AKAP9: variants seen among roughly 807,000 people sequenced by gnomAD.
AKAP9 encodes the protein A-kinase anchoring protein 9, also known as A-kinase anchor protein 9.
In AKAP9, 311 loss-of-function variants were observed where a neutral mutation model predicts 488.5. That is an observed-to-expected ratio of 0.64 (90% CI 0.58 to 0.70). AKAP9 has a LOEUF of 0.70. AKAP9 is among the 30% of genes least tolerant of loss of function. The probability of loss-of-function intolerance (pLI) is 0.00; values close to 1 mark genes in which losing one functional copy is unlikely to be tolerated. For synonymous variants in AKAP9, 1,462 were observed against 1,483.5 expected (o/e 0.99, Z 0.33); for missense variants, 4,215 against 4,374.5 (o/e 0.96, Z 1.03).
At chr7:91,994,841 C>A in intron 6 of AKAP9, 65 bp downstream of exon 6, 1 of 1,474,130 alleles carries the variant, frequency 6.8e-7, no homozygotes, top group South Asian at 1.2e-5. Flanking sequence ...AATTCACTTT[C>A]AAGAACAAAT....
intron 8 of AKAP9, 91 bp from the exon 9 acceptor site, chr7:92,012,338 C>T (rs1800860536): frequency 8.6e-7 from 1 of 1,167,728 alleles, no homozygotes; most frequent in East Asian, 2.6e-5. Context: ...AATTTTTAAA[C>T]TCTTGTAGTC....
intron 1 of AKAP9, among the ~76,000 whole-genome samples, chr7:91,953,270 AGTT>A (rs1792504759): frequency 6.6e-6 from 1 of 152,226 alleles, no homozygotes; most frequent in Admixed American, 6.5e-5. Flanking sequence ...TCAAGGTTTC[AGTT>A]GTTGACCTAG....
intron 1 of AKAP9, chr7:91,970,644 T>A (rs1368749002): frequency 5.4e-6 from 2 of 373,232 alleles, no homozygotes; most frequent in Non-Finnish European, 1.0e-5. Flanking sequence ...TTTGAACATG[T>A]TGTCCCACAT....
rs199577930 is a variant in AKAP9 at position 92,110,131 on chromosome 7, C to T, written c.11696C>T (p.Thr3899Ile). ...TGTTTTTCTCTCATAGGTTCAACTA[C>T]TCAATTTCATGCTGGCATGAGAAGA... ...RLGTIQSGST[T>I]QFHAGMRR The change falls in exon 50 of 50, where the codon ACT (threonine) becomes ATT (isoleucine). Residue 3899 changes from threonine to isoleucine, a missense_variant. By Grantham distance (89) the Thr-to-Ile change is moderately conservative. Around this residue, in one of 5 missense-constraint regions of AKAP9, gnomAD observed 253 missense variants for 266.8 expected, o/e 0.95. Transcript: ENST00000356239. The T allele has an allele frequency of 9.0e-5, 144 of 1,601,722 alleles. 2 individuals are homozygous for T. In the East Asian group the frequency reaches 3.0e-3, roughly 34 times the overall value.
chr7:92,083,530 G>T lies in AKAP9; in HGVS notation c.8521G>T (p.Asp2841Tyr). The T allele has an allele frequency of 1.2e-6, 2 of 1,604,382 alleles. No individual in the cohort carries two copies. The highest frequency in any genetic ancestry group is 2.2e-5 in the South Asian group (2 of 89,246). The change falls in exon 33 of 50, where the codon GAC becomes TAC. Residue 2841 changes from aspartate to tyrosine, a missense_variant. Coordinates refer to ENST00000356239, the MANE Select transcript of AKAP9 (RefSeq NM_005751.5). ...MQELHAAEIL[D>Y]MESRHISETE... ...AGAACTACATGCTGCTGAAATTTTG[G>T]ACATGGAATCCAGACATATTTCAGA...
At chr7:92,081,498 T>TATATA (rs1491338738) in intron 31 of AKAP9, among the ~76,000 whole-genome samples, 12 of 87,676 alleles carry the variant, frequency 1.4e-4, no homozygotes, top group African/African-American at 5.6e-4. Context: ...TATATATATA[T>TATATA]TTTTTTTTTT....
At position 92,085,683 on chromosome 7, in the gene AKAP9, C is replaced by A; in HGVS notation, c.9021C>A (p.Ala3007=). ...LITKMQLQRE[A]EVYDSSQSHE... The stretch of plus-strand genomic sequence containing the variant: ...CAAAGATGCAACTGCAAAGAGAAGC[C>A]GAGGTAACCAAAGAATACTATGCAT... Residue 3007 remains alanine (A), a synonymous_variant, in exon 36 of 50, where the codon GCC becomes GCA. Coordinates refer to ENST00000356239, the MANE Select transcript of AKAP9 (RefSeq NM_005751.5). The A allele has an allele frequency of 6.2e-7, 1 of 1,609,200 alleles. No individual in the cohort carries two copies. The highest frequency in any genetic ancestry group is 2.2e-5 in the East Asian group (1 of 44,818).
Position 92,045,111 on chromosome 7 carries a change from A to AT in AKAP9, c.5268dup (p.Leu1757SerfsTer3). 1 of 1,613,808 alleles carries AT rather than the reference A, an allele frequency of 6.2e-7. No individual in the cohort carries two copies. Among genetic ancestry groups the AT allele is most frequent in the Non-Finnish European group, 8.5e-7 (1 of 1,179,898 alleles). On this transcript the variant is annotated frameshift_variant, in exon 21 of 50. Coordinates refer to ENST00000356239, the MANE Select transcript of AKAP9 (RefSeq NM_005751.5). LOFTEE classifies it high-confidence loss of function. ...AACAATTGGTCGCCATGTCCTTGGG[A>AT]TTCTAGATAGATCTAGTAAAAGCCA...
intron 1 of AKAP9, among the ~76,000 whole-genome samples, chr7:91,962,925 T>C (rs1793898764): frequency 6.6e-6 from 1 of 152,210 alleles, no homozygotes; most frequent in African/African-American, 2.4e-5. Context: ...TATACCCTAA[T>C]TACAGTTGGA....
At chr7:92,100,710 T>C in intron 44 of AKAP9, 146 bp from the exon 45 acceptor site, 1 of 838,128 alleles carries the variant, frequency 1.2e-6, no homozygotes, top group South Asian at 1.4e-5. Context: ...TTAGTGTATA[T>C]GCGTAATGTC....
In AKAP9 at chr7:91,995,701, T is replaced by G; in HGVS notation, c.831T>G (p.Leu277=). The part of the protein sequence containing the change: ...KQQILTHQQQ[L]EEQDHLLEDY... ...AGATCCTCACTCATCAACAGCAGCT[T>G]GAAGAACAAGACCACTTATTAGAAG... The change falls in exon 7 of 50, where the codon CTT becomes CTG. Residue 277 remains leucine (L), a synonymous_variant. Transcript: ENST00000356239. 1 of 1,613,990 alleles carries G rather than the reference T, an allele frequency of 6.2e-7. No homozygotes were observed. The highest frequency in any genetic ancestry group is 2.2e-5 in the East Asian group (1 of 44,882).
intron 1 of AKAP9, among the ~76,000 whole-genome samples, chr7:91,963,231 A>C (rs1793952319): frequency 6.6e-6 from 1 of 152,144 alleles, no homozygotes; most frequent in Non-Finnish European, 1.5e-5. Context: ...CTTAATGTAC[A>C]AGTAGAGGCA....
In AKAP9 at chr7:92,002,009, G is replaced by C; in HGVS notation, c.2092G>C (p.Glu698Gln). 1 of 1,611,326 alleles carries C rather than the reference G, an allele frequency of 6.2e-7. No individual in the cohort carries two copies. Among genetic ancestry groups the C allele is most frequent in the Non-Finnish European group, 8.5e-7 (1 of 1,179,232 alleles). Residue 698 changes from glutamate to glutamine, a missense_variant, in exon 8 of 50, where the codon GAA becomes CAA. By Grantham distance (29) the Glu-to-Gln change is conservative. Around this residue, in one of 5 missense-constraint regions of AKAP9, gnomAD observed 2,361 missense variants for 2,430.0 expected, o/e 0.97. Coordinates refer to ENST00000356239, the MANE Select transcript of AKAP9 (RefSeq NM_005751.5). ...AACTAAGCAGAATCAATTAATTTTG[G>C]AAATTTCAAAGCTAAAAGATTTACA... is the stretch of plus-strand genomic sequence containing the variant. ...LITKQNQLIL[E>Q]ISKLKDLQQS...
intron 9 of AKAP9, 23 bp downstream of exon 9, chr7:92,012,665 A>G: frequency 1.3e-6 from 2 of 1,566,752 alleles, no homozygotes; most frequent in South Asian, 1.1e-5. Context: ...CTGACTTATA[A>G]GTACCATGAT....
At position 92,066,498 on chromosome 7, in the gene AKAP9, T is replaced by G. The variant is rs2130832903; in HGVS notation, c.6282T>G (p.Leu2094=). 6.2e-7 allele frequency: 1 copy of G among 1,613,490 alleles called. No individual in the cohort carries two copies. The highest frequency in any genetic ancestry group is 1.1e-5 in the South Asian group (1 of 91,064). ...AAATACAGAAACTAGAACAGCAACT[T>G]AAGGTTGTTCCTCGATTCCAGCCTA... ...QQEIQKLEQQ[L]KVVPRFQPIS... The change falls in exon 26 of 50, where the codon CTT becomes CTG. Residue 2094 remains leucine, a synonymous_variant. Transcript: ENST00000356239.
intron 1 of AKAP9, among the ~76,000 whole-genome samples, chr7:91,951,080 AAAAG>A (rs1447206761): frequency 2.0e-5 from 3 of 152,036 alleles, no homozygotes; most frequent in Non-Finnish European, 2.9e-5. Context: ...AAGTTTGAGA[AAAAG>A]AAAAGATAAT....
At chr7:91,943,675 A>G (rs1233063482) in intron 1 of AKAP9, among the ~76,000 whole-genome samples, 2 of 152,252 alleles carry the variant, frequency 1.3e-5, no homozygotes, top group Non-Finnish European at 2.9e-5. Context: ...ATGCACCATA[A>G]TATAATGCCT....
intron 1 of AKAP9, among the ~76,000 whole-genome samples, chr7:91,947,678 A>G (rs1486997839): frequency 6.6e-6 from 1 of 152,112 alleles, no homozygotes; most frequent in Non-Finnish European, 1.5e-5. Context: ...TCTGTGCCTT[A>G]TTGTCTGTTG....
intron 24 of AKAP9, among the ~76,000 whole-genome samples, chr7:92,062,721 C>T (rs1008057832): frequency 6.6e-6 from 1 of 151,682 alleles, no homozygotes; most frequent in Non-Finnish European, 1.5e-5. Context: ...GATAGTTCTT[C>T]ATTTATCCTC....
Sources: allele counts gnomAD v4.1 joint callset (sites outside exome capture counted in the v4.1 genomes callset), GRCh38; gene constraint gnomAD v4.1.1; regional missense constraint gnomAD v4.1.1; transcripts MANE v1.5; gene names NCBI Gene and HGNC (gene_info 2026-07-23, HGNC 2026-07-21).